EML1: variants seen among roughly 807,000 people sequenced by gnomAD.
The protein encoded by EML1 is echinoderm microtubule-associated protein-like 1.
In EML1, 27 loss-of-function variants were observed where a neutral mutation model predicts 110.4. That is an observed-to-expected ratio of 0.24 (90% CI 0.18 to 0.34). The LOEUF (loss-of-function observed/expected upper bound fraction) is 0.34. Ranked by LOEUF, EML1 falls within the 10% of genes least tolerant of loss-of-function variation. The probability of loss-of-function intolerance (pLI) is 1.00; values close to 1 mark genes in which losing one functional copy is unlikely to be tolerated. For synonymous variants in EML1, 344 were observed against 385.8 expected (o/e 0.89, Z 1.27); for missense variants, 741 against 1,030.9 (o/e 0.72, Z 3.85).
chr14:99,762,764 C>A (rs1385489052), intron 1 of EML1, among the ~76,000 whole-genome samples: 1 of 152,158 alleles, frequency 6.6e-6, no homozygotes, highest in Admixed American at 6.5e-5. Flanking sequence ...CCAGTCACTG[C>A]ACTTCGCCCT....
intron 2 of EML1, among the ~76,000 whole-genome samples, chr14:99,859,723 G>A (rs1318751679): frequency 6.6e-6 from 1 of 152,092 alleles, no homozygotes; most frequent in African/African-American, 2.4e-5. Flanking sequence ...ATGTGCCTAG[G>A]GTTCTACTCC....
At position 99,874,157 on chromosome 14, in the gene EML1, A is replaced by G. The variant is rs115960877; in HGVS notation, c.384-4328A>G. On this transcript the variant is annotated intron_variant, in intron 3 of 21. Coordinates refer to ENST00000262233, the MANE Select transcript of EML1 (RefSeq NM_004434.3). ...ATTCTTATTAACCATAAGAAGAAAG[A>G]CATCTGTTTTTCTTATGGTCACCAG... Among the ~76,000 whole-genome samples the G allele has an allele frequency of 3.4e-3, 515 of 152,346 alleles. 5 individuals carry two copies. The highest frequency in any genetic ancestry group is 0.012 in the African/African-American group (492 of 41,576).
At chr14:99,755,220 G>A (rs2057234627) in intron 1 of EML1, among the ~76,000 whole-genome samples, 1 of 152,226 alleles carries the variant, frequency 6.6e-6, no homozygotes, top group Non-Finnish European at 1.5e-5. Context: ...GCACCCAGCC[G>A]GTGACAGGAG....
Position 99,939,351 on chromosome 14 carries a change from A to G in EML1, c.2322+24A>G. The G allele has an allele frequency of 6.2e-7, 1 of 1,613,878 alleles. No homozygotes were observed. Among genetic ancestry groups the G allele is most frequent in the African/African-American group, 1.3e-5 (1 of 75,030 alleles). On this transcript the variant is annotated intron_variant, in intron 21 of 21. Transcript: ENST00000262233. This position sits in a 1 kb window ranked among gnomAD's most constrained non-coding sequence, Gnocchi z 4.2. ...GGGTAAAGGACTTGTTTCTTCACTA[A>G]TCTTATCCCCCATGGGGCATGCACG...
intron 6 of EML1, 100 bp downstream of exon 6, chr14:99,894,858 T>C: frequency 7.2e-7 from 1 of 1,395,000 alleles, no homozygotes; most frequent in East Asian, 2.5e-5. Flanking sequence ...CTCTTAAGCT[T>C]TTAAAAAACA....
chr14:99,929,836 C>T (rs192553056), intron 17 of EML1, among the ~76,000 whole-genome samples: 149 of 152,308 alleles, frequency 9.8e-4, no homozygotes, highest in African/African-American at 3.3e-3. Context: ...CCCTGCGCTG[C>T]CATGTGCTAA....
intron 1 of EML1, among the ~76,000 whole-genome samples, chr14:99,841,006 A>T (rs1315846639): frequency 2.0e-5 from 3 of 152,162 alleles, no homozygotes; most frequent in African/African-American, 7.2e-5. Context: ...GGCTGCCCAG[A>T]CCCATGGCAT....
intron 1 of EML1, among the ~76,000 whole-genome samples, chr14:99,762,068 G>C (rs2057319882): frequency 6.6e-6 from 1 of 152,128 alleles, no homozygotes; most frequent in Non-Finnish European, 1.5e-5. Context: ...GGGGCTGATG[G>C]GCTCAGTGGC....
chr14:99,774,003 A>G (rs1367396187), exon 1 of EML1: 4 of 152,350 alleles, frequency 2.6e-5, no homozygotes, highest in Non-Finnish European at 4.4e-5. Context: ...CTTCTGCTTC[A>G]CGACGGCTGG....
At chr14:99,901,705 C>T (rs1180488955) in intron 9 of EML1, among the ~76,000 whole-genome samples, 1 of 152,150 alleles carries the variant, frequency 6.6e-6, no homozygotes, top group Admixed American at 6.5e-5. Context: ...GTGAGGACAA[C>T]CAGAGGTCAC....
intron 2 of EML1, 122 bp from the exon 3 acceptor site, chr14:99,865,392 C>G: frequency 1.6e-6 from 2 of 1,255,322 alleles, no homozygotes; most frequent in Non-Finnish European, 2.2e-6. Context: ...CTCACTCGCT[C>G]ACTGCTCACC....
At chr14:99,836,559 A>G (rs1356412522) in intron 1 of EML1, among the ~76,000 whole-genome samples, 1 of 152,226 alleles carries the variant, frequency 6.6e-6, no homozygotes, top group Non-Finnish European at 1.5e-5. Context: ...GAATGTATAT[A>G]GTATAGTCAT....
intron 1 of EML1, among the ~76,000 whole-genome samples, chr14:99,795,742 G>T (rs1376677287): frequency 1.3e-5 from 2 of 152,132 alleles, no homozygotes. Flanking sequence ...TTTTAAATGA[G>T]AGACTTACAT....
chr14:99,931,906 G>A (rs984933243), intron 17 of EML1, among the ~76,000 whole-genome samples: 1 of 152,224 alleles, frequency 6.6e-6, no homozygotes, highest in Non-Finnish European at 1.5e-5. Flanking sequence ...GTCAACGGGA[G>A]AGTCATTTTG....
chr14:99,770,342 C>T (rs374743086), upstream of EML1, among the ~76,000 whole-genome samples: 33 of 150,310 alleles, frequency 2.2e-4, 1 homozygote, highest in African/African-American at 6.6e-4. Flanking sequence ...CAAAGAAAGA[C>T]GAAGCAAGCT....
In EML1 at chr14:99,936,024, T is replaced by C; in HGVS notation, c.1910-5T>C. The C allele has an allele frequency of 1.2e-6, 2 of 1,613,574 alleles. No homozygotes were observed. Among genetic ancestry groups the C allele is most frequent in the Non-Finnish European group, 1.7e-6 (2 of 1,179,550 alleles). ...TCTGAAATGTAATTTGTCATCTTTT[T>C]ATAGATGGGAATTTCTTAGCCATAG... On this transcript the variant is annotated splice_polypyrimidine_tract_variant and splice_region_variant and intron_variant, in intron 17 of 21. Coordinates refer to ENST00000262233, the MANE Select transcript of EML1 (RefSeq NM_004434.3). This position sits in a 1 kb window ranked among gnomAD's most constrained non-coding sequence, Gnocchi z 5.5.
At position 99,808,808 on chromosome 14, in the gene EML1, C is replaced by G. The variant is rs189767485; in HGVS notation, c.67+15265C>G. Among the ~76,000 whole-genome samples the G allele has an allele frequency of 2.8e-3, 419 of 152,282 alleles. 1 individual carries two copies. Among genetic ancestry groups the G allele is most frequent in the African/African-American group, 9.6e-3 (398 of 41,540 alleles). ...ATTCACTGCCCTTAGAACATAACCC[C>G]AATATAAAATGATCTCCTTTCTAAT... is the stretch of plus-strand genomic sequence containing the variant. On this transcript the variant is annotated intron_variant, in intron 1 of 21. Transcript: ENST00000262233.
intron 1 of EML1, among the ~76,000 whole-genome samples, chr14:99,838,398 G>A (rs1206524815): frequency 1.3e-5 from 2 of 152,186 alleles, no homozygotes; most frequent in Non-Finnish European, 2.9e-5. Flanking sequence ...AGTTTATAAA[G>A]TGAGGATGTC....
intron 1 of EML1, among the ~76,000 whole-genome samples, chr14:99,830,625 A>G (rs987591585): frequency 2.0e-5 from 3 of 151,872 alleles, no homozygotes; most frequent in Non-Finnish European, 4.4e-5. Context: ...ATCTCGGCTC[A>G]CTGCAACCTC....
Sources: gnomAD v4.1 joint callset for allele counts (sites outside exome capture counted in the v4.1 genomes callset) on GRCh38, gnomAD v4.1.1 for gene constraint, Gnocchi (gnomAD v3.1) non-coding constraint, MANE v1.5 for transcripts, NCBI Gene and HGNC (gene_info 2026-07-23, HGNC 2026-07-21) for gene names.